The following CHODL variants were observed in gnomAD, a reference collection of about 807,000 sequenced individuals.
CHODL encodes chondrolectin, also known as transmembrane protein MT75.
In CHODL, 29 loss-of-function variants were observed where a neutral mutation model predicts 34.5. That is an observed-to-expected ratio of 0.84 (90% CI 0.63 to 1.15). CHODL has a LOEUF of 1.15. Ranked by LOEUF, CHODL falls within the 50% of genes most tolerant of loss-of-function variation. The probability of loss-of-function intolerance (pLI) is 0.00; values close to 1 mark genes in which losing one functional copy is unlikely to be tolerated. For missense variants in CHODL, 332 were observed against 332.5 expected, an observed-to-expected ratio of 1.00 and a Z score of 0.01; for synonymous variants, 125 against 116.1, an observed-to-expected ratio of 1.08 and a Z score of -0.49.
In CHODL at chr21:18,149,335, A is replaced by T. The variant is rs1236863791; in HGVS notation, c.-44-107174A>T. ...AATCGCTGTTTCTCCATGAGATGAAAGCGACTGACTGTCCTTGAGAAATAC... is the reference window on the plus strand; with the variant it reads ...AATCGCTGTTTCTCCATGAGATGAATGCGACTGACTGTCCTTGAGAAATAC... On this transcript the variant is annotated intron_variant, in intron 2 of 6. Coordinates refer to the CHODL transcript ENST00000400127. Among the ~76,000 whole-genome samples, 6 of 152,200 alleles carry T rather than the reference A, an allele frequency of 3.9e-5. No individual in the cohort carries two copies. In the East Asian group the frequency reaches 1.2e-3, roughly 29 times the overall value.
chr21:18,025,441 G>T (rs1408117378), intron 1 of CHODL, among the ~76,000 whole-genome samples: 1 of 151,944 alleles, frequency 6.6e-6, no homozygotes, highest in Non-Finnish European at 1.5e-5. Flanking sequence ...AGCCCCTCTG[G>T]CTATCATCTT....
chr21:18,037,586 G>A (rs2064325961), intron 2 of CHODL, among the ~76,000 whole-genome samples: 1 of 151,790 alleles, frequency 6.6e-6, no homozygotes, highest in African/African-American at 2.4e-5. Flanking sequence ...AATGAGAAGT[G>A]TTAAGTGTGT....
chr21:18,171,115 T>TG (rs35194523), intron 2 of CHODL, among the ~76,000 whole-genome samples: 114,338 of 133,914 alleles, frequency 0.85, 49,421 homozygotes, highest in African/African-American at 0.94. Context: ...CCAGAATTTG[T>TG]TTTTTTTTTT....
At chr21:18,244,629 G>T (rs755706922), upstream of CHODL, among the ~76,000 whole-genome samples, 2 of 152,166 alleles carry the variant, frequency 1.3e-5, no homozygotes, top group Non-Finnish European at 2.9e-5. Context: ...GTCCGCTAGC[G>T]AATGGAAAGA....
chr21:18,206,454 C>T (rs989405463), intron 2 of CHODL, among the ~76,000 whole-genome samples: 1 of 151,958 alleles, frequency 6.6e-6, no homozygotes, highest in Non-Finnish European at 1.5e-5. Context: ...AGTATATCTA[C>T]TTCTGCTCTT....
intron 5 of CHODL, among the ~76,000 whole-genome samples, chr21:18,265,288 TAC>T (rs563361586): frequency 0.1 from 13,969 of 139,632 alleles, 868 homozygotes; most frequent in African/African-American, 0.18. Context: ...TGTATATATA[TAC>T]ACACACACAC....
intron 1 of CHODL, among the ~76,000 whole-genome samples, chr21:18,004,721 G>A (rs2063943702): frequency 6.6e-6 from 1 of 151,924 alleles, no homozygotes; most frequent in Non-Finnish European, 1.5e-5. Context: ...ATAGATATGA[G>A]GTCTCACACT....
At chr21:18,095,054 G>A (rs1241894384) in intron 2 of CHODL, among the ~76,000 whole-genome samples, 4 of 151,920 alleles carry the variant, frequency 2.6e-5, no homozygotes, top group African/African-American at 9.7e-5. Context: ...AACCTGGGAA[G>A]CAGAGGTTGC....
At chr21:18,152,292 C>T (rs568226845) in intron 2 of CHODL, among the ~76,000 whole-genome samples, 7 of 152,198 alleles carry the variant, frequency 4.6e-5, no homozygotes, top group African/African-American at 7.2e-5. Flanking sequence ...TTGAATAAAT[C>T]GATATTTGTT....
chr21:18,195,028 A>ATTATTTAT (rs56855621), intron 2 of CHODL, among the ~76,000 whole-genome samples: 1,822 of 144,050 alleles, frequency 0.013, 24 homozygotes, highest in African/African-American at 0.033. Flanking sequence ...AATACAATAC[A>ATTATTTAT]TTATTTATTT....
upstream of CHODL, among the ~76,000 whole-genome samples, chr21:18,241,556 A>C (rs1342309490): frequency 2.6e-5 from 4 of 152,188 alleles, no homozygotes; most frequent in Non-Finnish European, 4.4e-5. Flanking sequence ...GCCTGCTGTG[A>C]CTTAGGCTGA....
chr21:18,156,673 G>A (rs557542792), intron 2 of CHODL, among the ~76,000 whole-genome samples: 1 of 152,172 alleles, frequency 6.6e-6, no homozygotes, highest in African/African-American at 2.4e-5. Flanking sequence ...GTTTGCTTAT[G>A]GTGAGCCTGT....
At chr21:17,928,236 C>T (rs570653223) in intron 1 of CHODL, among the ~76,000 whole-genome samples, 4 of 152,166 alleles carry the variant, frequency 2.6e-5, no homozygotes, top group Non-Finnish European at 2.9e-5. Context: ...ATAAACTATA[C>T]TCTTGTCTTC....
intron 2 of CHODL, among the ~76,000 whole-genome samples, chr21:18,124,319 C>G (rs1472985733): frequency 6.6e-6 from 1 of 152,154 alleles, no homozygotes; most frequent in Non-Finnish European, 1.5e-5. Context: ...TTAAAACAGA[C>G]CCTCCCCTGC....
intron 2 of CHODL, among the ~76,000 whole-genome samples, chr21:18,157,962 A>G (rs1443772486): frequency 6.6e-6 from 1 of 152,190 alleles, no homozygotes; most frequent in Admixed American, 6.5e-5. Context: ...GAAGTAAAAA[A>G]AAAAGAGACA....
chr21:17,986,758 G>A (rs1249964013), intron 1 of CHODL, among the ~76,000 whole-genome samples: 3 of 152,154 alleles, frequency 2.0e-5, no homozygotes, highest in Non-Finnish European at 4.4e-5. Flanking sequence ...CACAATGGTT[G>A]AACTAATTTA....
At chr21:18,253,462 T>C (rs1290838754) in intron 1 of CHODL, among the ~76,000 whole-genome samples, 1 of 152,062 alleles carries the variant, frequency 6.6e-6, no homozygotes, top group Non-Finnish European at 1.5e-5. Flanking sequence ...GGAATGTAAT[T>C]AAGATATATT....
At chr21:18,062,611 T>C (rs3097172) in intron 2 of CHODL, among the ~76,000 whole-genome samples, 69,331 of 151,750 alleles carry the variant, frequency 0.46, 16,599 homozygotes, top group Middle Eastern at 0.53. Flanking sequence ...ACTAAAAATA[T>C]AAAAATTAGC....
At chr21:18,194,070 C>A (rs1202187388) in intron 2 of CHODL, among the ~76,000 whole-genome samples, 1 of 151,950 alleles carries the variant, frequency 6.6e-6, no homozygotes, top group Non-Finnish European at 1.5e-5. Flanking sequence ...TGCTACCCCC[C>A]TGTGAAAAAC....
Sources: gnomAD v4.1 joint callset for allele counts (sites outside exome capture counted in the v4.1 genomes callset) on GRCh38, gnomAD v4.1.1 for gene constraint, MANE v1.5 for transcripts, NCBI Gene and HGNC (gene_info 2026-07-23, HGNC 2026-07-21) for gene names.